SSR1: variants seen among roughly 807,000 people sequenced by gnomAD.
SSR1 encodes the protein signal sequence receptor subunit 1.
SSR1 carries 13 observed loss-of-function variants against 36.1 expected under a neutral mutation model. That is an observed-to-expected ratio of 0.36 (90% CI 0.23 to 0.57). SSR1 has a LOEUF of 0.57. Among genes scored for constraint, SSR1 ranks in the 20% least tolerant of loss-of-function variants. The pLI, the probability that SSR1 is intolerant of heterozygous loss-of-function variation, is 0.81. For synonymous variants in SSR1, 113 were observed against 118.9 expected (o/e 0.95, Z 0.32); for missense variants, 291 against 338.5 (o/e 0.86, Z 1.10).
chr6:7,292,419 T>C (rs749411407), intron 7 of SSR1, among the ~76,000 whole-genome samples: 2 of 152,224 alleles, frequency 1.3e-5, no homozygotes, highest in Non-Finnish European at 2.9e-5. Context: ...CTACTCCCTT[T>C]TACTCCTATC....
chr6:7,294,718 T>C (rs1290695217), intron 7 of SSR1, among the ~76,000 whole-genome samples: 1 of 147,614 alleles, frequency 6.8e-6, no homozygotes, highest in East Asian at 2.0e-4. Context: ...AATAAATAAA[T>C]AGGATTAATG....
chr6:7,304,976 T>G (rs1346841505), intron 2 of SSR1, among the ~76,000 whole-genome samples: 1 of 152,202 alleles, frequency 6.6e-6, no homozygotes, highest in East Asian at 1.9e-4. Flanking sequence ...GTGTTGTAAG[T>G]TATATTTTAA....
At chr6:7,298,616 T>G (rs745962640) in intron 5 of SSR1, 131 bp downstream of exon 5, 2 of 625,422 alleles carry the variant, frequency 3.2e-6, no homozygotes, top group Non-Finnish European at 2.8e-6. Flanking sequence ...TGAATGAATA[T>G]CGTAAGGATT....
In SSR1 at chr6:7,292,416, C is replaced by T. The variant is rs1757703699; in HGVS notation, c.794-2485G>A. Among the ~76,000 whole-genome samples, 3 of 152,208 alleles carry T rather than the reference C, an allele frequency of 2.0e-5. No homozygotes were observed. The South Asian group carries it at 6.2e-4, about 32-fold the overall frequency. The stretch of plus-strand genomic sequence containing the variant: ...CACCTGTGAAACATCCTTCTACTCC[C>T]TTTTACTCCTATCACCACTGCCTCT... On this transcript the variant is annotated intron_variant, in intron 7 of 7. Transcript: ENST00000244763.
At chr6:7,312,777 C>A (rs1581640729) in intron 1 of SSR1, among the ~76,000 whole-genome samples, 1 of 152,356 alleles carries the variant, frequency 6.6e-6, no homozygotes, top group East Asian at 1.9e-4. Flanking sequence ...GCAAGAGGAG[C>A]AAGCCCAGCC....
At chr6:7,302,719 A>G (rs1757964307) in intron 3 of SSR1, among the ~76,000 whole-genome samples, 1 of 152,108 alleles carries the variant, frequency 6.6e-6, no homozygotes, top group African/African-American at 2.4e-5. Context: ...CCGAGATCAC[A>G]CCACTGCACT....
At chr6:7,311,501 A>T (rs1219547129) in intron 1 of SSR1, among the ~76,000 whole-genome samples, 1 of 152,268 alleles carries the variant, frequency 6.6e-6, no homozygotes, top group Non-Finnish European at 1.5e-5. Flanking sequence ...ACACTGAACC[A>T]TGCATTATGA....
chr6:7,310,635 G>C (rs184550311), intron 1 of SSR1, among the ~76,000 whole-genome samples: 58 of 152,272 alleles, frequency 3.8e-4, no homozygotes, highest in South Asian at 1.4e-3. Flanking sequence ...TTCTTGGCCG[G>C]CGCGGTGGCT....
intron 3 of SSR1, among the ~76,000 whole-genome samples, chr6:7,302,104 G>GA (rs1249263113): frequency 6.6e-6 from 1 of 151,978 alleles, no homozygotes; most frequent in Non-Finnish European, 1.5e-5. Flanking sequence ...AAAAATGGAA[G>GA]AAAAAAAGCA....
In SSR1 at chr6:7,284,147, A is replaced by G. The variant is rs1177174119; in HGVS notation, c.*5717T>C. On this transcript the variant is annotated 3_prime_UTR_variant, in exon 8 of 8. Coordinates refer to ENST00000244763, the MANE Select transcript of SSR1 (RefSeq NM_003144.5). ...GAAAAAACTGTTCAGAAATAGACTA[A>G]TTTTCTTTGGGTGGTTCAGTCTGAT... 7.2e-5 allele frequency: 11 copies of G among 152,178 alleles called. No individual in the cohort carries two copies. In the East Asian group the frequency reaches 1.9e-3, roughly 27 times the overall value. The allele number at this position is 152,178 out of a possible 1,614,324, so 9.4% of individuals were successfully genotyped here.
intron 2 of SSR1, among the ~76,000 whole-genome samples, chr6:7,306,134 T>C (rs1264960711): frequency 6.6e-6 from 1 of 152,210 alleles, no homozygotes; most frequent in Non-Finnish European, 1.5e-5. Context: ...TTTAAATAAC[T>C]ATTTTTTTTT....
At position 7,313,052 on chromosome 6, in the gene SSR1, G is replaced by T. The variant is rs1452051840; in HGVS notation, c.69C>A (p.Gly23=). 2 of 1,605,768 alleles carry T rather than the reference G, an allele frequency of 1.2e-6. No homozygotes were observed. Among genetic ancestry groups the T allele is most frequent in the Middle Eastern group, 3.3e-4 (2 of 6,048 alleles). Residue 23 remains glycine (G), a synonymous_variant, in exon 1 of 8, where the codon GGC becomes GGA. Coordinates refer to ENST00000244763, the MANE Select transcript of SSR1 (RefSeq NM_003144.5). ...LVFPATVLFR[G]GPRGLLAVAQ... ...CTCCCCCAGCCTCACCTCTGGGGCC[G>T]CCTCGGAACAAGACAGTGGCAGGGA...
In SSR1 at chr6:7,282,411, T is replaced by A. The variant is rs1343246581; in HGVS notation, c.*7453A>T. The A allele has an allele frequency of 6.6e-6, 1 of 152,208 alleles. No individual in the cohort carries two copies. The highest frequency in any genetic ancestry group is 1.5e-5 in the Non-Finnish European group (1 of 68,122). The allele number at this position is 152,208 out of a possible 1,614,324, so 9.4% of individuals were successfully genotyped here. On this transcript the variant is annotated 3_prime_UTR_variant, in exon 8 of 8. Coordinates refer to ENST00000244763, the MANE Select transcript of SSR1 (RefSeq NM_003144.5). ...TCTGGAGAAAAAAGCCTCTCAAGAC[T>A]GGAAGGGACAGGAGCTGGTGACCAT...
At chr6:7,293,407 G>C (rs1417886341) in intron 7 of SSR1, among the ~76,000 whole-genome samples, 1 of 151,638 alleles carries the variant, frequency 6.6e-6, no homozygotes, top group Admixed American at 6.6e-5. Flanking sequence ...TGCGTCCTCA[G>C]AGCTTAGCTC....
In SSR1 at chr6:7,284,030, C is replaced by T. The variant is rs1057112318; in HGVS notation, c.*5834G>A. On this transcript the variant is annotated 3_prime_UTR_variant, in exon 8 of 8. Transcript: ENST00000244763. ...TTCTCCATCTGAACACTACTCTTGA[C>T]CACAGTATTTCTCATTCTCCTTTCT... 2 of 152,190 alleles carry T rather than the reference C, an allele frequency of 1.3e-5. No individual in the cohort carries two copies. The highest frequency in any genetic ancestry group is 6.5e-5 in the Admixed American group (1 of 15,278). The allele number at this position is 152,190 out of a possible 1,614,324, so 9.4% of individuals were successfully genotyped here.
At chr6:7,312,968 G>A (rs1394223830) in intron 1 of SSR1, 74 bp downstream of exon 1, 32 of 1,467,642 alleles carry the variant, frequency 2.2e-5, no homozygotes, top group South Asian at 6.1e-5. Flanking sequence ...AGCGGCCACC[G>A]CCTCCAACTT....
At chr6:7,297,685 A>G (rs936539350) in intron 6 of SSR1, among the ~76,000 whole-genome samples, 1 of 152,174 alleles carries the variant, frequency 6.6e-6, no homozygotes, top group African/African-American at 2.4e-5. Flanking sequence ...AGATCACACC[A>G]CTGCACACTC....
chr6:7,291,345 C>T (rs1581626828), intron 7 of SSR1, among the ~76,000 whole-genome samples: 3 of 151,964 alleles, frequency 2.0e-5, no homozygotes, highest in African/African-American at 7.3e-5. Flanking sequence ...TTGCAGTGAG[C>T]CGAGATCACA....
chr6:7,302,929 G>C (rs1192697322), intron 3 of SSR1, among the ~76,000 whole-genome samples: 1 of 151,914 alleles, frequency 6.6e-6, no homozygotes, highest in Non-Finnish European at 1.5e-5. Context: ...ACGAGGTCAG[G>C]AGTTCGAGAC....
Sources: allele counts gnomAD v4.1 joint callset (sites outside exome capture counted in the v4.1 genomes callset), GRCh38; gene constraint gnomAD v4.1.1; transcripts MANE v1.5; gene names NCBI Gene and HGNC (gene_info 2026-07-23, HGNC 2026-07-21).